COL8A1: variants seen among roughly 807,000 people sequenced by gnomAD.
The protein encoded by COL8A1 is collagen type VIII alpha 1 chain.
Under a neutral mutation model 42.7 loss-of-function variants are expected in COL8A1, and 21 were observed. That is an observed-to-expected ratio of 0.49 (90% CI 0.35 to 0.71). COL8A1 has a LOEUF of 0.71. Among genes scored for constraint, COL8A1 ranks in the 30% least tolerant of loss-of-function variants. The pLI is 0.01. For missense variants in COL8A1, 788 were observed against 962.4 expected (o/e 0.82, Z 2.40); for synonymous variants, 367 against 369.1 (o/e 0.99, Z 0.06).
intron 1 of COL8A1, among the ~76,000 whole-genome samples, chr3:99,681,631 A>G (rs1412708777): frequency 6.6e-6 from 1 of 152,236 alleles, no homozygotes; most frequent in African/African-American, 2.4e-5. Flanking sequence ...CTAAAACACA[A>G]GAAGACTGCT....
At position 99,794,593 on chromosome 3, in the gene COL8A1, C is replaced by T. The variant is rs1463071017; in HGVS notation, c.692C>T (p.Pro231Leu). 4 of 1,613,456 alleles carry T rather than the reference C, an allele frequency of 2.5e-6. No individual in the cohort carries two copies. The African/African-American group carries it at 5.3e-5, about 22-fold the overall frequency. The change falls in exon 4 of 4, where the codon CCA becomes CTA. Residue 231 changes from proline to leucine, a missense_variant. Around this residue, in one of 4 missense-constraint regions of COL8A1, gnomAD observed 421 missense variants for 553.1 expected, o/e 0.76. Coordinates refer to ENST00000652472, the MANE Select transcript of COL8A1 (RefSeq NM_020351.4). This position sits in a 1 kb window ranked among gnomAD's most constrained non-coding sequence, Gnocchi z 4.3. ...GGTGATCGAGGACCCAAAGGACTACCAGGACCTCAAGGCCTTCGGGGTCCT... is the reference window on the plus strand; with the variant it reads ...GGTGATCGAGGACCCAAAGGACTACTAGGACCTCAAGGCCTTCGGGGTCCT... ...PKGDRGPKGLPGPQGLRGPKG... is the reference protein window; with the variant it reads ...PKGDRGPKGLLGPQGLRGPKG...
chr3:99,763,915 C>A (rs1382221975), intron 2 of COL8A1, among the ~76,000 whole-genome samples: 1 of 152,158 alleles, frequency 6.6e-6, no homozygotes, highest in Non-Finnish European at 1.5e-5. Context: ...TGATCTACCA[C>A]CCAAGGACTA....
intron 1 of COL8A1, among the ~76,000 whole-genome samples, chr3:99,669,503 A>G (rs887953979): frequency 3.3e-5 from 5 of 152,088 alleles, no homozygotes; most frequent in South Asian, 2.1e-4. Flanking sequence ...GAGAAGAATT[A>G]TGTTTGCTTA....
chr3:99,696,577 G>A (rs1437541326), intron 1 of COL8A1, among the ~76,000 whole-genome samples: 1 of 152,214 alleles, frequency 6.6e-6, no homozygotes, highest in Non-Finnish European at 1.5e-5. Context: ...GGGACAGGCA[G>A]ACAGCACAGC....
At chr3:99,640,909 A>G (rs1937495225) in intron 1 of COL8A1, among the ~76,000 whole-genome samples, 1 of 152,080 alleles carries the variant, frequency 6.6e-6, no homozygotes, top group Non-Finnish European at 1.5e-5. Flanking sequence ...TACCCAACCA[A>G]TGCCATTGAG....
chr3:99,761,527 T>C (rs1941364330), intron 2 of COL8A1, among the ~76,000 whole-genome samples: 1 of 152,220 alleles, frequency 6.6e-6, no homozygotes, highest in Non-Finnish European at 1.5e-5. Context: ...TTGCACCTCC[T>C]TGCACATGAT....
At chr3:99,788,188 C>T (rs1343496656) in intron 2 of COL8A1, among the ~76,000 whole-genome samples, 1 of 152,034 alleles carries the variant, frequency 6.6e-6, no homozygotes, top group Admixed American at 6.6e-5. Flanking sequence ...AACCAGGGCC[C>T]TTATATAAAT....
chr3:99,669,420 T>A (rs1005059254), intron 1 of COL8A1, among the ~76,000 whole-genome samples: 1 of 151,830 alleles, frequency 6.6e-6, no homozygotes, highest in Non-Finnish European at 1.5e-5. Flanking sequence ...ATGCATTGAG[T>A]CATTAAAAAG....
chr3:99,735,859 T>C (rs1211082496), intron 1 of COL8A1, among the ~76,000 whole-genome samples: 1 of 152,150 alleles, frequency 6.6e-6, no homozygotes, highest in African/African-American at 2.4e-5. Flanking sequence ...GAGATTCAAC[T>C]TCTTCCTGGT....
intron 1 of COL8A1, among the ~76,000 whole-genome samples, chr3:99,736,202 T>C (rs1258474750): frequency 6.6e-6 from 1 of 152,206 alleles, no homozygotes; most frequent in Non-Finnish European, 1.5e-5. Context: ...AGCTTTTGAA[T>C]GTGTTTGCTC....
intron 1 of COL8A1, among the ~76,000 whole-genome samples, chr3:99,739,337 G>C (rs1209633830): frequency 2.0e-5 from 3 of 152,170 alleles, no homozygotes; most frequent in East Asian, 1.9e-4. Context: ...CCATTGCGGG[G>C]TCTGGAGGAC....
intron 2 of COL8A1, among the ~76,000 whole-genome samples, chr3:99,773,815 G>GTGTATATATATATATATATATAT (rs1403823634): frequency 2.8e-5 from 1 of 35,900 alleles, no homozygotes; most frequent in Non-Finnish European, 5.0e-5. Flanking sequence ...ATATATGTGT[G>GTGTATATATATATATATATATAT]TATATATATA....
chr3:99,730,739 G>A (rs965090014), intron 1 of COL8A1, among the ~76,000 whole-genome samples: 1 of 152,182 alleles, frequency 6.6e-6, no homozygotes, highest in Admixed American at 6.6e-5. Flanking sequence ...CAAGGAGCCT[G>A]TTGAGTGGTG....
At chr3:99,725,440 G>T (rs949432533) in intron 1 of COL8A1, among the ~76,000 whole-genome samples, 3 of 151,472 alleles carry the variant, frequency 2.0e-5, no homozygotes, top group Non-Finnish European at 2.9e-5. Context: ...TATACTTTAA[G>T]TTTTAGGGTA....
chr3:99,646,839 T>A (rs1937653599), intron 1 of COL8A1, among the ~76,000 whole-genome samples: 1 of 152,342 alleles, frequency 6.6e-6, no homozygotes, highest in South Asian at 2.1e-4. Flanking sequence ...CTTACCAATC[T>A]GTATTTTGAG....
At chr3:99,664,209 G>C (rs190569174) in intron 1 of COL8A1, among the ~76,000 whole-genome samples, 5 of 152,210 alleles carry the variant, frequency 3.3e-5, no homozygotes, top group Non-Finnish European at 7.3e-5. Flanking sequence ...GCTCTCAAGA[G>C]CAGGGACTTT....
chr3:99,745,515 A>AT (rs1190985469), intron 2 of COL8A1, among the ~76,000 whole-genome samples: 2 of 152,190 alleles, frequency 1.3e-5, no homozygotes, highest in African/African-American at 4.8e-5. Context: ...ATATGTTTTT[A>AT]TACCATTATC....
chr3:99,649,068 T>C lies in COL8A1; in HGVS notation c.-129+10404T>C, dbSNP rs78401781. Among the ~76,000 whole-genome samples, 20 of 152,204 alleles carry C rather than the reference T, an allele frequency of 1.3e-4. 1 individual carries two copies. In the East Asian group the frequency reaches 3.7e-3, roughly 28 times the overall value. On this transcript the variant is annotated intron_variant, in intron 1 of 3. Transcript: ENST00000652472. ...GTTCTTGATCTTCCCTCTCTGCTTG[T>C]AGTATTTCTCACTTAATCTACTAGA...
chr3:99,666,590 A>G (rs1299935242), intron 1 of COL8A1, among the ~76,000 whole-genome samples: 1 of 152,212 alleles, frequency 6.6e-6, no homozygotes, highest in African/African-American at 2.4e-5. Context: ...ACATCCAGGG[A>G]ACAAAAATTT....
Sources: gnomAD v4.1 joint callset for allele counts (sites outside exome capture counted in the v4.1 genomes callset) on GRCh38, gnomAD v4.1.1 for gene constraint, gnomAD v4.1.1 regional missense constraint, Gnocchi (gnomAD v3.1) non-coding constraint, MANE v1.5 for transcripts, NCBI Gene and HGNC (gene_info 2026-07-23, HGNC 2026-07-21) for gene names.